LRRTM4: variants seen among roughly 807,000 people sequenced by gnomAD.
LRRTM4 encodes the protein leucine-rich repeat transmembrane neuronal protein 4.
LRRTM4 carries 25 observed loss-of-function variants against 47.6 expected under a neutral mutation model. The ratio of observed to expected loss-of-function variants is 0.53; its 90% CI spans 0.38 to 0.73. The LOEUF (loss-of-function observed/expected upper bound fraction) is 0.73. Among genes scored for constraint, LRRTM4 ranks in the 30% least tolerant of loss-of-function variants. LRRTM4 has a pLI of 0.00. For missense variants in LRRTM4, 638 were observed against 713.4 expected (o/e 0.89, Z 1.20); for synonymous variants, 311 against 269.5 (o/e 1.15, Z -1.51).
intron 3 of LRRTM4, among the ~76,000 whole-genome samples, chr2:77,422,595 A>T (rs1432535981): frequency 6.6e-6 from 1 of 152,224 alleles, no homozygotes; most frequent in East Asian, 1.9e-4. Context: ...ACAATTTATG[A>T]AACCATCATA....
At chr2:76,776,003 C>T (rs62379833) in intron 3 of LRRTM4, among the ~76,000 whole-genome samples, 20 of 150,060 alleles carry the variant, frequency 1.3e-4, no homozygotes, top group Admixed American at 2.7e-4. Flanking sequence ...TGACAATATG[C>T]GGTGTTTGGT....
chr2:77,269,981 T>C (rs1558661879), intron 3 of LRRTM4, among the ~76,000 whole-genome samples: 1 of 152,178 alleles, frequency 6.6e-6, no homozygotes, highest in Non-Finnish European at 1.5e-5. Flanking sequence ...GATTTAGCTG[T>C]GTGTTTTTTG....
chr2:76,780,664 A>AT (rs1424933419), intron 3 of LRRTM4, among the ~76,000 whole-genome samples: 15 of 151,910 alleles, frequency 9.9e-5, no homozygotes, highest in Middle Eastern at 3.4e-3. Flanking sequence ...ATTCTTCTAA[A>AT]TTTTTTTCAA....
chr2:76,957,130 G>A (rs1675701004), intron 3 of LRRTM4, among the ~76,000 whole-genome samples: 1 of 151,686 alleles, frequency 6.6e-6, no homozygotes, highest in African/African-American at 2.4e-5. Context: ...ACACTTTAAA[G>A]ACATTCTGTT....
At chr2:77,320,831 G>T (rs1257463188) in intron 3 of LRRTM4, among the ~76,000 whole-genome samples, 3 of 151,744 alleles carry the variant, frequency 2.0e-5, no homozygotes, top group African/African-American at 7.3e-5. Flanking sequence ...TATGTAATGG[G>T]AGTTATATTA....
chr2:77,046,616 G>A (rs1679244833), intron 3 of LRRTM4, among the ~76,000 whole-genome samples: 1 of 151,968 alleles, frequency 6.6e-6, no homozygotes, highest in South Asian at 2.1e-4. Flanking sequence ...CAATGTTGCA[G>A]TGCAGAGATT....
intron 3 of LRRTM4, among the ~76,000 whole-genome samples, chr2:77,411,454 T>A (rs2033949): frequency 3.6e-5 from 4 of 110,134 alleles, no homozygotes; most frequent in African/African-American, 1.7e-4. Context: ...CTTTCTTCTT[T>A]TTTTTTTTTT....
intron 3 of LRRTM4, among the ~76,000 whole-genome samples, chr2:76,831,266 A>G (rs1671344286): frequency 6.6e-6 from 1 of 152,202 alleles, no homozygotes; most frequent in Non-Finnish European, 1.5e-5. Flanking sequence ...AAATACATAT[A>G]GACTTTGCAA....
chr2:76,776,211 T>G (rs1374406713), intron 3 of LRRTM4, among the ~76,000 whole-genome samples: 1 of 152,230 alleles, frequency 6.6e-6, no homozygotes, highest in Non-Finnish European at 1.5e-5. Context: ...AATGCCGCAA[T>G]AAACATACAT....
At chr2:76,932,530 G>T (rs960614811) in intron 3 of LRRTM4, among the ~76,000 whole-genome samples, 4 of 152,014 alleles carry the variant, frequency 2.6e-5, no homozygotes, top group Admixed American at 2.0e-4. Flanking sequence ...AAGACGGTAC[G>T]CCCTTAGTCT....
intron 3 of LRRTM4, among the ~76,000 whole-genome samples, chr2:77,256,596 C>T (rs1675775152): frequency 1.3e-5 from 2 of 152,146 alleles, no homozygotes; most frequent in African/African-American, 4.8e-5. Flanking sequence ...TACACAAGCT[C>T]TCAACTGCCA....
rs117433533 is a variant in LRRTM4, at chr2:77,070,682, G to A, written c.1552-321766C>T. Among the ~76,000 whole-genome samples, 48 of 152,208 alleles carry A rather than the reference G, an allele frequency of 3.2e-4. No homozygotes were observed. In the East Asian group the frequency reaches 8.5e-3, roughly 27 times the overall value. Reference sequence around the variant, plus strand: ...TTTTGCTCTTGTTGCCCAGGCTAGAGGGCAATGGCATGCTCTCCGCTCACT... The same window carrying A: ...TTTTGCTCTTGTTGCCCAGGCTAGAAGGCAATGGCATGCTCTCCGCTCACT... On this transcript the variant is annotated intron_variant, in intron 3 of 3. Coordinates refer to ENST00000409884, the MANE Select transcript of LRRTM4 (RefSeq NM_001134745.3).
At chr2:76,822,893 A>C (rs934914115) in intron 3 of LRRTM4, among the ~76,000 whole-genome samples, 1 of 151,468 alleles carries the variant, frequency 6.6e-6, no homozygotes, top group East Asian at 1.9e-4. Context: ...TCCAGTCAAG[A>C]CTTTACCCAT....
chr2:76,882,952 C>T (rs1037135242), intron 3 of LRRTM4, among the ~76,000 whole-genome samples: 3 of 152,064 alleles, frequency 2.0e-5, no homozygotes, highest in Non-Finnish European at 4.4e-5. Flanking sequence ...AGCCATTTAT[C>T]CTTCCAATGT....
chr2:76,825,300 A>G (rs1253466661), intron 3 of LRRTM4, among the ~76,000 whole-genome samples: 1 of 151,726 alleles, frequency 6.6e-6, no homozygotes, highest in East Asian at 1.9e-4. Context: ...GAGGCTATTC[A>G]AATAGCCTAA....
intron 3 of LRRTM4, among the ~76,000 whole-genome samples, chr2:77,374,823 A>C (rs1405304271): frequency 6.6e-6 from 1 of 151,732 alleles, no homozygotes; most frequent in Non-Finnish European, 1.5e-5. Context: ...AAGTTCCAAA[A>C]GTCATCTTAA....
intron 3 of LRRTM4, among the ~76,000 whole-genome samples, chr2:77,445,753 T>C (rs535654600): frequency 6.6e-6 from 1 of 152,212 alleles, no homozygotes; most frequent in Admixed American, 6.6e-5. Flanking sequence ...GTTACCATTT[T>C]CCATTTCCTA....
chr2:77,259,331 G>A (rs888936319), intron 3 of LRRTM4, among the ~76,000 whole-genome samples: 25 of 152,058 alleles, frequency 1.6e-4, no homozygotes, highest in Non-Finnish European at 3.2e-4. Flanking sequence ...AGTGTTATGA[G>A]TGTCAATTGA....
chr2:77,151,651 A>C (rs2103786123), intron 3 of LRRTM4, among the ~76,000 whole-genome samples: 1 of 152,340 alleles, frequency 6.6e-6, no homozygotes, highest in East Asian at 1.9e-4. Context: ...AGAGAACATT[A>C]AACTAAATCA....
Sources: allele counts gnomAD v4.1 joint callset (sites outside exome capture counted in the v4.1 genomes callset), GRCh38; gene constraint gnomAD v4.1.1; transcripts MANE v1.5; gene names NCBI Gene and HGNC (gene_info 2026-07-23, HGNC 2026-07-21).